Variants in DNAH5 observed in about 807,000 individuals in gnomAD.
DNAH5 encodes the protein dynein axonemal heavy chain 5, also known as axonemal beta dynein heavy chain 5.
A neutral mutation model predicts 518.2 loss-of-function variants in DNAH5; 372 were observed. The ratio of observed to expected loss-of-function variants is 0.72; its 90% CI spans 0.66 to 0.78. The LOEUF is 0.78. DNAH5 is among the 30% of genes least tolerant of loss of function. The pLI, the probability that DNAH5 is intolerant of heterozygous loss-of-function variation, is 0.00. For missense variants in DNAH5, 5,523 were observed against 5,687.0 expected, an observed-to-expected ratio of 0.97 and a Z score of 0.93; for synonymous variants, 2,039 against 2,025.9, an observed-to-expected ratio of 1.01 and a Z score of -0.17.
In DNAH5 at chr5:13,886,001, G is replaced by T. The variant is rs778689338; in HGVS notation, c.2706C>A (p.Ser902=). Reference sequence around the variant, plus strand: ...TTTTGTAATTAACACTATTCTCATTGGATATTTTTTCACTTTCTTCTTCAG... The same window carrying T: ...TTTTGTAATTAACACTATTCTCATTTGATATTTTTTCACTTTCTTCTTCAG... ...VLSEEESEKI[S]NENSVNYKNE... is the part of the protein sequence containing the mutation. The change falls in exon 18 of 79, where the codon TCC becomes TCA. Residue 902 remains serine, a synonymous_variant. Coordinates refer to ENST00000265104, the MANE Select transcript of DNAH5 (RefSeq NM_001369.3). The T allele has an allele frequency of 6.2e-7, 1 of 1,612,982 alleles. No homozygotes were observed.
At chr5:13,751,337 A>G (rs1365267468) in intron 64 of DNAH5, 77 bp from the exon 65 acceptor site, 2 of 1,310,576 alleles carry the variant, frequency 1.5e-6, no homozygotes, top group Non-Finnish European at 2.1e-6. Context: ...CAGATCAAGT[A>G]TTGTTTTAAA....
At chr5:13,956,899 C>T (rs1780798374) in intron 1 of DNAH5, among the ~76,000 whole-genome samples, 1 of 152,126 alleles carries the variant, frequency 6.6e-6, no homozygotes, top group Non-Finnish European at 1.5e-5. Context: ...AAATATTTTC[C>T]TTACAGAGAA....
chr5:13,790,187 T>C (rs896072937), intron 50 of DNAH5, among the ~76,000 whole-genome samples: 6 of 152,176 alleles, frequency 3.9e-5, no homozygotes, highest in Admixed American at 3.9e-4. Context: ...GACCCAGAAA[T>C]CCCATTACAG....
At chr5:13,972,662 T>G (rs928123326) in intron 1 of DNAH5, among the ~76,000 whole-genome samples, 2 of 152,200 alleles carry the variant, frequency 1.3e-5, no homozygotes, top group Admixed American at 1.3e-4. Flanking sequence ...CCTCTCACAC[T>G]TTGGGCACTC....
chr5:13,751,254 C>T lies in DNAH5; in HGVS notation c.11035G>A (p.Val3679Ile). Residue 3679 changes from valine to isoleucine, a missense_variant, in exon 65 of 79, where the codon GTT becomes ATT. Transcript: ENST00000265104. The stretch of plus-strand genomic sequence containing the variant: ...AACACATCTACTTCCTTGTCACCAA[C>T]TTTCACCTTTTTTATAAAAAGAAAT... ...IKTGSTFKVK[V>I]GDKEVDVLDG... 1.2e-6 allele frequency: 2 copies of T among 1,613,056 alleles called. No individual in the cohort carries two copies. Among genetic ancestry groups the T allele is most frequent in the Non-Finnish European group, 1.7e-6 (2 of 1,179,724 alleles).
chr5:13,981,673 G>C (rs963858212), intron 1 of DNAH5, among the ~76,000 whole-genome samples: 3 of 152,236 alleles, frequency 2.0e-5, no homozygotes, highest in African/African-American at 7.2e-5. Flanking sequence ...AGATGGTGGG[G>C]ATGTCTGAAT....
chr5:13,900,147 T>A, intron 15 of DNAH5, 59 bp downstream of exon 15: 1 of 1,460,284 alleles, frequency 6.8e-7, no homozygotes, highest in Non-Finnish European at 9.6e-7. Context: ...TCACCATATT[T>A]TTTTATAATA....
intron 1 of DNAH5, among the ~76,000 whole-genome samples, chr5:13,957,664 T>C (rs1242544390): frequency 6.6e-6 from 1 of 151,916 alleles, no homozygotes; most frequent in Non-Finnish European, 1.5e-5. Context: ...GAGGAAAATA[T>C]GTAAATATAT....
intron 60 of DNAH5, among the ~76,000 whole-genome samples, chr5:13,761,006 G>T (rs537102025): frequency 6.6e-6 from 1 of 152,196 alleles, no homozygotes; most frequent in East Asian, 1.9e-4. Flanking sequence ...CTAGATACTT[G>T]TAAGAATATA....
chr5:13,841,598 A>T, intron 33 of DNAH5, 94 bp downstream of exon 33: 1 of 994,366 alleles, frequency 1.0e-6, no homozygotes, highest in Non-Finnish European at 1.6e-6. Context: ...GTCTAGAGTT[A>T]AATTATAGCC....
intron 70 of DNAH5, among the ~76,000 whole-genome samples, chr5:13,723,976 G>A (rs1469417051): frequency 6.6e-6 from 1 of 152,206 alleles, no homozygotes; most frequent in Non-Finnish European, 1.5e-5. Flanking sequence ...CAAGCCTAAG[G>A]GTTGTAATGA....
intron 35 of DNAH5, among the ~76,000 whole-genome samples, chr5:13,835,940 T>C (rs1318731545): frequency 6.6e-6 from 1 of 152,088 alleles, no homozygotes; most frequent in Non-Finnish European, 1.5e-5. Flanking sequence ...AATGGTCACA[T>C]TCTAGAAGGA....
intron 53 of DNAH5, among the ~76,000 whole-genome samples, chr5:13,779,931 A>C (rs570758815): frequency 1.3e-5 from 2 of 152,254 alleles, no homozygotes; most frequent in East Asian, 3.9e-4. Context: ...TTTTCTGTAC[A>C]TAAAATGTAC....
At chr5:13,867,555 G>A (rs781478117) in intron 25 of DNAH5, among the ~76,000 whole-genome samples, 4 of 151,878 alleles carry the variant, frequency 2.6e-5, no homozygotes, top group Non-Finnish European at 2.9e-5. Flanking sequence ...ACCCAGTCTC[G>A]AGCAGTTCTT....
At chr5:13,989,868 C>T (rs184406501) in intron 1 of DNAH5, among the ~76,000 whole-genome samples, 2 of 151,972 alleles carry the variant, frequency 1.3e-5, no homozygotes, top group Non-Finnish European at 2.9e-5. Context: ...CCTTGGTTTA[C>T]TTGTCTTATT....
intron 35 of DNAH5, among the ~76,000 whole-genome samples, chr5:13,836,703 A>T (rs1764440858): frequency 1.3e-5 from 2 of 152,264 alleles, no homozygotes; most frequent in Admixed American, 6.5e-5. Flanking sequence ...TGCAACCTGC[A>T]ATCTGTAAAC....
chr5:13,807,473 G>A (rs1759796617), intron 47 of DNAH5, 118 bp downstream of exon 47: 1 of 956,552 alleles, frequency 1.0e-6, no homozygotes, highest in Admixed American at 2.1e-5. Flanking sequence ...GTACGTGGGT[G>A]ATTTATCATG....
intron 50 of DNAH5, among the ~76,000 whole-genome samples, chr5:13,790,745 C>T (rs947781462): frequency 2.0e-5 from 3 of 152,188 alleles, no homozygotes; most frequent in African/African-American, 7.2e-5. Context: ...CCCAGACATG[C>T]TGAACTGTGA....
At chr5:14,000,876 A>T (rs1438671995) in intron 1 of DNAH5, among the ~76,000 whole-genome samples, 1 of 152,210 alleles carries the variant, frequency 6.6e-6, no homozygotes, top group Non-Finnish European at 1.5e-5. Context: ...CACAATAGCA[A>T]AGACATGGAA....
Sources: gnomAD v4.1 joint callset for allele counts (sites outside exome capture counted in the v4.1 genomes callset) on GRCh38, gnomAD v4.1.1 for gene constraint, MANE v1.5 for transcripts, NCBI Gene and HGNC (gene_info 2026-07-23, HGNC 2026-07-21) for gene names.